FAF1: variants seen among roughly 807,000 people sequenced by gnomAD.
The protein encoded by FAF1 is FAS-associated factor 1.
FAF1 carries 25 observed loss-of-function variants against 92.5 expected under a neutral mutation model. The observed-to-expected ratio is 0.27, with a 90% CI of 0.20 to 0.38. The LOEUF (loss-of-function observed/expected upper bound fraction) is 0.38. Ranked by LOEUF, FAF1 falls within the 10% of genes least tolerant of loss-of-function variation. FAF1 has a pLI of 1.00. For missense variants in FAF1, 636 were observed against 793.3 expected (o/e 0.80, Z 2.38); for synonymous variants, 234 against 273.2 (o/e 0.86, Z 1.42).
At chr1:50,558,799 T>G (rs2149051161) in intron 13 of FAF1, among the ~76,000 whole-genome samples, 1 of 152,328 alleles carries the variant, frequency 6.6e-6, no homozygotes, top group South Asian at 2.1e-4. Flanking sequence ...AAATGAGCTC[T>G]TTTTTAAAAA....
chr1:50,858,543 C>T (rs1644408310), intron 1 of FAF1, among the ~76,000 whole-genome samples: 1 of 151,720 alleles, frequency 6.6e-6, no homozygotes, highest in Non-Finnish European at 1.5e-5. Context: ...GTACGAAATA[C>T]ACACCAGGTA....
At chr1:50,474,420 A>T (rs34828491) in intron 18 of FAF1, among the ~76,000 whole-genome samples, 4,170 of 151,662 alleles carry the variant, frequency 0.027, 129 homozygotes, top group Admixed American at 0.11. Flanking sequence ...TTTTTTTTAA[A>T]TTTTTTATTT....
chr1:50,825,087 T>C (rs933526943), intron 2 of FAF1, among the ~76,000 whole-genome samples: 3 of 152,086 alleles, frequency 2.0e-5, no homozygotes, highest in African/African-American at 7.2e-5. Context: ...TATTTCAAAA[T>C]AGCTAGAAGA....
At chr1:50,926,512 C>T (rs1645007021) in intron 1 of FAF1, among the ~76,000 whole-genome samples, 1 of 151,802 alleles carries the variant, frequency 6.6e-6, no homozygotes, top group South Asian at 2.1e-4. Flanking sequence ...TGTTCTACAG[C>T]GCTGTGGGGT....
intron 1 of FAF1, among the ~76,000 whole-genome samples, chr1:50,877,821 A>G (rs1045915882): frequency 6.6e-6 from 1 of 152,292 alleles, no homozygotes; most frequent in South Asian, 2.1e-4. Flanking sequence ...GTGATACCCA[A>G]CTAAATCAGA....
At chr1:50,479,074 G>A (rs1646670856) in intron 17 of FAF1, among the ~76,000 whole-genome samples, 1 of 152,178 alleles carries the variant, frequency 6.6e-6, no homozygotes, top group African/African-American at 2.4e-5. Context: ...TAAATGCAAT[G>A]TTATGATTAG....
chr1:50,958,779 TA>T (rs1645291889), intron 1 of FAF1, among the ~76,000 whole-genome samples: 1 of 152,274 alleles, frequency 6.6e-6, no homozygotes, highest in African/African-American at 2.4e-5. Context: ...AAATACTGCC[TA>T]CTAAGCTAGT....
intron 4 of FAF1, among the ~76,000 whole-genome samples, chr1:50,748,721 T>G (rs1659730495): frequency 6.6e-6 from 1 of 152,220 alleles, no homozygotes; most frequent in Non-Finnish European, 1.5e-5. Context: ...CTGCTTATGT[T>G]AGGTTGCTGC....
chr1:50,839,811 G>C (rs114928936), intron 2 of FAF1, among the ~76,000 whole-genome samples: 10 of 151,962 alleles, frequency 6.6e-5, no homozygotes, highest in Non-Finnish European at 1.3e-4. Flanking sequence ...ACTTGAACAA[G>C]AATAAAAGAA....
intron 1 of FAF1, among the ~76,000 whole-genome samples, chr1:50,944,102 T>G (rs1645155519): frequency 6.6e-6 from 1 of 152,074 alleles, no homozygotes; most frequent in Non-Finnish European, 1.5e-5. Flanking sequence ...AGAATCTGAG[T>G]GAAGTTGATG....
chr1:50,696,988 T>C (rs1657262237), intron 7 of FAF1, among the ~76,000 whole-genome samples: 1 of 152,214 alleles, frequency 6.6e-6, no homozygotes, highest in Admixed American at 6.5e-5. Context: ...CTTTGAAATG[T>C]AGGCAGACAA....
chr1:50,670,357 G>A (rs1280535841), intron 7 of FAF1, among the ~76,000 whole-genome samples: 2 of 151,726 alleles, frequency 1.3e-5, no homozygotes, highest in Non-Finnish European at 2.9e-5. Context: ...CAAAGTGCTG[G>A]GATTACAGGT....
intron 12 of FAF1, among the ~76,000 whole-genome samples, chr1:50,574,898 C>CTTTT (rs891527014): frequency 1.4e-4 from 10 of 71,400 alleles, no homozygotes; most frequent in East Asian, 3.4e-4. Context: ...TGTATTAACT[C>CTTTT]TTTTTTTTTT....
chr1:50,953,995 C>G (rs1402411488), intron 1 of FAF1, among the ~76,000 whole-genome samples: 1 of 151,686 alleles, frequency 6.6e-6, no homozygotes, highest in Non-Finnish European at 1.5e-5. Context: ...GTCGCCCAGG[C>G]TGGAGTGCAG....
At chr1:50,825,390 C>T (rs549916755) in intron 2 of FAF1, among the ~76,000 whole-genome samples, 1 of 151,866 alleles carries the variant, frequency 6.6e-6, no homozygotes, top group Admixed American at 6.5e-5. Flanking sequence ...AACTATGCAA[C>T]AAATATTACA....
intron 2 of FAF1, among the ~76,000 whole-genome samples, chr1:50,809,995 C>T (rs148388865): frequency 0.013 from 2,027 of 152,336 alleles, 19 homozygotes; most frequent in Middle Eastern, 0.021. Context: ...GTGGCTCATG[C>T]CTGTAATCCC....
chr1:50,437,136 ATTAT>A lies in FAF1; in HGVS notation c.*4300_*4303del, dbSNP rs1646135355. Reference sequence around the variant, plus strand: ...GGTTAAGTGTCACCTTCCAAAGCAGATTATTTGAGACAAGGACAAAATACTAAAT... The same window carrying A: ...GGTTAAGTGTCACCTTCCAAAGCAGATTGAGACAAGGACAAAATACTAAAT... On this transcript the variant is annotated 3_prime_UTR_variant, in exon 19 of 19. Transcript: ENST00000396153. 2.6e-5 allele frequency: 4 copies of A among 152,348 alleles called. No individual in the cohort carries two copies. In the South Asian group the frequency reaches 8.3e-4, roughly 32 times the overall value. 9.4% of individuals were successfully genotyped at this position (152,348 alleles called of 1,614,324 possible). A position where few individuals can be genotyped will look rare whatever the true frequency, so the allele number is the denominator to read the frequency against.
At chr1:50,794,512 G>T (rs927622292) in intron 3 of FAF1, among the ~76,000 whole-genome samples, 6 of 152,236 alleles carry the variant, frequency 3.9e-5, no homozygotes, top group African/African-American at 1.4e-4. Context: ...GGGTTGGCCA[G>T]CTGTTCAGGT....
At chr1:50,444,377 A>T (rs900640974) in intron 18 of FAF1, among the ~76,000 whole-genome samples, 39 of 152,106 alleles carry the variant, frequency 2.6e-4, no homozygotes, top group African/African-American at 9.2e-4. Context: ...GGTGGTGTTG[A>T]TGTTGCTATA....
Sources: allele counts gnomAD v4.1 joint callset (sites outside exome capture counted in the v4.1 genomes callset), GRCh38; gene constraint gnomAD v4.1.1; transcripts MANE v1.5; gene names NCBI Gene and HGNC (gene_info 2026-07-23, HGNC 2026-07-21).